SIK3: variants seen among roughly 807,000 people sequenced by gnomAD.
SIK3 encodes the protein serine/threonine-protein kinase SIK3.
SIK3 carries 28 observed loss-of-function variants against 144.2 expected under a neutral mutation model. The ratio of observed to expected loss-of-function variants is 0.19; its 90% CI spans 0.14 to 0.27. The LOEUF (loss-of-function observed/expected upper bound fraction) is 0.27, where lower values mean the gene tolerates loss of function less well. SIK3 is among the 10% of genes least tolerant of loss of function. The pLI is 1.00. For synonymous variants in SIK3, 686 were observed against 676.3 expected, an observed-to-expected ratio of 1.01 and a Z score of -0.22; for missense variants, 1,319 against 1,776.0, an observed-to-expected ratio of 0.74 and a Z score of 4.62.
chr11:117,022,741 CATTT>C (rs1350534586), intron 1 of SIK3, among the ~76,000 whole-genome samples: 4 of 151,820 alleles, frequency 2.6e-5, no homozygotes, highest in African/African-American at 9.7e-5. Context: ...ATTGAAATCT[CATTT>C]ATAACCACAC....
intron 6 of SIK3, among the ~76,000 whole-genome samples, chr11:116,887,061 T>C (rs929140265): frequency 2.0e-5 from 3 of 152,122 alleles, no homozygotes; most frequent in Non-Finnish European, 1.5e-5. Context: ...CTTTTACACC[T>C]AAAAGTCATT....
At chr11:117,082,943 T>C (rs1433621106) in intron 1 of SIK3, among the ~76,000 whole-genome samples, 1 of 152,142 alleles carries the variant, frequency 6.6e-6, no homozygotes, top group African/African-American at 2.4e-5. Flanking sequence ...GCAACTCTGA[T>C]GGGCCAAAAA....
At chr11:116,881,162 A>C (rs535885869) in intron 6 of SIK3, among the ~76,000 whole-genome samples, 193 of 152,172 alleles carry the variant, frequency 1.3e-3, no homozygotes, top group Middle Eastern at 6.8e-3. Context: ...ATAAATAAAA[A>C]ATAAAAGGGC....
At chr11:117,054,643 A>T (rs989820795) in intron 1 of SIK3, among the ~76,000 whole-genome samples, 4 of 152,196 alleles carry the variant, frequency 2.6e-5, no homozygotes, top group African/African-American at 9.7e-5. Flanking sequence ...AATCAACAGT[A>T]CTTGATAGGC....
chr11:116,959,312 G>A (rs1447124185), intron 1 of SIK3, among the ~76,000 whole-genome samples: 1 of 151,944 alleles, frequency 6.6e-6, no homozygotes, highest in African/African-American at 2.4e-5. Flanking sequence ...ATGAGACCCT[G>A]TCTCAAAAGA....
rs1173131414 is a variant in SIK3 at position 116,872,219 on chromosome 11, C to T, written c.1737+1262G>A. Among the ~76,000 whole-genome samples the T allele has an allele frequency of 2.0e-5, 3 of 152,086 alleles. No individual in the cohort carries two copies. The East Asian group carries it at 5.8e-4, about 29-fold the overall frequency. ...ACAGTGATTAATACAGTTGGGACGTCCAAAAAGATAAAAGGTTAAAAATGT... is the reference window on the plus strand; with the variant it reads ...ACAGTGATTAATACAGTTGGGACGTTCAAAAAGATAAAAGGTTAAAAATGT... On this transcript the variant is annotated intron_variant, in intron 13 of 24. Transcript: ENST00000445177.
At chr11:116,935,571 C>T (rs1417950994) in intron 3 of SIK3, among the ~76,000 whole-genome samples, 1 of 152,110 alleles carries the variant, frequency 6.6e-6, no homozygotes, top group African/African-American at 2.4e-5. Flanking sequence ...GAAATAGAAT[C>T]TCATATATTA....
chr11:116,875,939 T>C lies in SIK3; in HGVS notation c.1166A>G (p.His389Arg), dbSNP rs376144593. ...AAGTGCTCCGAGACGCAGGGTTTTA[T>C]GTCTCTTATGTCGATCACACAGCAG... ...YSLLCDRHKR[H>R]KTLRLGALPS... is the part of the protein sequence containing the mutation. The change falls in exon 9 of 25, where the codon CAT (histidine) becomes CGT (arginine). Residue 389 changes from histidine (H) to arginine (R), a missense_variant. Transcript: ENST00000445177. 6.8e-6 allele frequency: 11 copies of C among 1,613,268 alleles called. No individual in the cohort carries two copies. In the African/African-American group the frequency reaches 8.0e-5, roughly 12 times the overall value.
chr11:117,023,621 A>AAAAATATATATATATAT (rs754624841), intron 1 of SIK3, among the ~76,000 whole-genome samples: 35 of 95,352 alleles, frequency 3.7e-4, no homozygotes, highest in African/African-American at 1.3e-3. Context: ...AAAAAAAAAA[A>AAAAATATATATATATAT]ATATATATAT....
intron 1 of SIK3, among the ~76,000 whole-genome samples, chr11:116,984,906 C>A (rs1329859149): frequency 6.6e-6 from 1 of 152,168 alleles, no homozygotes; most frequent in African/African-American, 2.4e-5. Context: ...TCCAGAAGCA[C>A]CAGTTACCGC....
chr11:116,960,053 T>C lies in SIK3; in HGVS notation c.274-2989A>G, dbSNP rs754408471. Among the ~76,000 whole-genome samples, 53 of 152,316 alleles carry C rather than the reference T, an allele frequency of 3.5e-4. No homozygotes were observed. In the Middle Eastern group the frequency reaches 0.014, roughly 39 times the overall value. On this transcript the variant is annotated intron_variant, in intron 1 of 24. Coordinates refer to ENST00000445177, the MANE Select transcript of SIK3 (RefSeq NM_001366686.3). Reference sequence around the variant, plus strand: ...AAATGTACCCCATAAATATGTACTATAATAAATAAATACATACATACATGA... The same window carrying C: ...AAATGTACCCCATAAATATGTACTACAATAAATAAATACATACATACATGA...
intron 1 of SIK3, among the ~76,000 whole-genome samples, chr11:117,059,268 T>C (rs1037364768): frequency 6.6e-6 from 1 of 152,162 alleles, no homozygotes; most frequent in East Asian, 1.9e-4. Context: ...ATTAAAGGCA[T>C]ACAAAATCAC....
Position 116,846,308 on chromosome 11 carries a change from C to G in SIK3, c.*13+75G>C, listed in dbSNP as rs901488766. On this transcript the variant is annotated intron_variant, in intron 24 of 24. Coordinates refer to ENST00000445177, the MANE Select transcript of SIK3 (RefSeq NM_001366686.3). The surrounding 1 kb of genome is among the most constrained non-coding windows in gnomAD (Gnocchi z 4.1). ...TGCACTGGCCACCACAACACATGGG[C>G]TGAAGCTCCTGATGGGATTGGGAGC... 1 of 1,495,174 alleles carries G rather than the reference C, an allele frequency of 6.7e-7. No homozygotes were observed. Among genetic ancestry groups the G allele is most frequent in the African/African-American group, 1.4e-5 (1 of 72,680 alleles). 92.6% of individuals were successfully genotyped at this position (1,495,174 alleles called of 1,614,324 possible).
At chr11:116,977,287 C>T (rs1422444058) in intron 1 of SIK3, among the ~76,000 whole-genome samples, 1 of 123,806 alleles carries the variant, frequency 8.1e-6, no homozygotes, top group Non-Finnish European at 1.6e-5. Context: ...CGTTATGTTG[C>T]CTGGAATGGT....
intron 1 of SIK3, among the ~76,000 whole-genome samples, chr11:117,015,260 A>G (rs902404607): frequency 7.9e-5 from 12 of 152,078 alleles, no homozygotes; most frequent in African/African-American, 2.9e-4. Flanking sequence ...TATTCCTACT[A>G]CATTAGGAAT....
chr11:117,011,805 C>A (rs993122916), intron 1 of SIK3, among the ~76,000 whole-genome samples: 1 of 152,116 alleles, frequency 6.6e-6, no homozygotes, highest in Non-Finnish European at 1.5e-5. Context: ...CACAGCAAGA[C>A]CCCATCTTTT....
At chr11:116,893,982 G>T (rs188093382) in intron 6 of SIK3, 1 of 167,134 alleles carries the variant, frequency 6.0e-6, no homozygotes, top group East Asian at 1.9e-4. Flanking sequence ...GAAGGTGAGG[G>T]TGTGGGGGGA....
chr11:117,076,755 C>A (rs1432222396), intron 1 of SIK3, among the ~76,000 whole-genome samples: 4 of 152,040 alleles, frequency 2.6e-5, no homozygotes, highest in Non-Finnish European at 4.4e-5. Context: ...ATTGGCCAGG[C>A]TGGTCTTGAA....
chr11:116,915,126 G>A (rs77692919), intron 4 of SIK3, among the ~76,000 whole-genome samples: 5 of 106,500 alleles, frequency 4.7e-5, no homozygotes, highest in African/African-American at 1.0e-4. Context: ...AGCCATATAT[G>A]TGTGTGTGTG....
Sources: gnomAD v4.1 joint callset for allele counts (sites outside exome capture counted in the v4.1 genomes callset) on GRCh38, gnomAD v4.1.1 for gene constraint, Gnocchi (gnomAD v3.1) non-coding constraint, MANE v1.5 for transcripts, NCBI Gene and HGNC (gene_info 2026-07-23, HGNC 2026-07-21) for gene names.